Variants in CNTN5 observed in about 807,000 individuals in gnomAD.
CNTN5 encodes the protein contactin 5, also known as contactin-5.
A neutral mutation model predicts 129.1 loss-of-function variants in CNTN5; 77 were observed. That is an observed-to-expected ratio of 0.60 (90% CI 0.50 to 0.72). The LOEUF is 0.72. Ranked by LOEUF, CNTN5 falls within the 30% of genes least tolerant of loss-of-function variation. The probability of loss-of-function intolerance (pLI) is 0.00; values close to 1 mark genes in which losing one functional copy is unlikely to be tolerated. For missense variants in CNTN5, 1,478 were observed against 1,328.8 expected, an observed-to-expected ratio of 1.11 and a Z score of -1.75; for synonymous variants, 509 against 465.6, an observed-to-expected ratio of 1.09 and a Z score of -1.20.
At chr11:100,338,427 A>G (rs1952081323) in intron 21 of CNTN5, among the ~76,000 whole-genome samples, 1 of 152,190 alleles carries the variant, frequency 6.6e-6, no homozygotes, top group Admixed American at 6.5e-5. Flanking sequence ...AATCTGGAAA[A>G]TATGTTTTTG....
chr11:99,881,303 T>G (rs1948765429), intron 6 of CNTN5, among the ~76,000 whole-genome samples: 1 of 152,186 alleles, frequency 6.6e-6, no homozygotes, highest in Non-Finnish European at 1.5e-5. Context: ...TTTTGACAGT[T>G]GAATTATAAT....
At chr11:99,506,829 A>T (rs1256828252) in intron 2 of CNTN5, among the ~76,000 whole-genome samples, 1 of 152,230 alleles carries the variant, frequency 6.6e-6, no homozygotes, top group Non-Finnish European at 1.5e-5. Flanking sequence ...TATAGTAAAA[A>T]ATATCAATAA....
intron 9 of CNTN5, among the ~76,000 whole-genome samples, chr11:100,003,449 A>G (rs1364802403): frequency 6.6e-6 from 1 of 152,220 alleles, no homozygotes; most frequent in Non-Finnish European, 1.5e-5. Flanking sequence ...AAATGCAAAA[A>G]TAATATATTC....
At chr11:99,106,399 T>C in intron 1 of CNTN5, among the ~76,000 whole-genome samples, 1 of 152,046 alleles carries the variant, frequency 6.6e-6, no homozygotes. Flanking sequence ...TGTGCAGTAT[T>C]ATAAAAATTA....
At chr11:99,131,233 G>A (rs1165307866) in intron 1 of CNTN5, among the ~76,000 whole-genome samples, 1 of 86,014 alleles carries the variant, frequency 1.2e-5, no homozygotes, top group Non-Finnish European at 2.1e-5. Flanking sequence ...GGGTGACAGA[G>A]TGAGACTCCA....
chr11:99,032,212 T>G (rs929804694), intron 1 of CNTN5, among the ~76,000 whole-genome samples: 18 of 152,126 alleles, frequency 1.2e-4, no homozygotes, highest in Admixed American at 6.5e-4. Flanking sequence ...TTGTGAATAA[T>G]GCCGCAATAA....
At chr11:100,018,550 A>G (rs1591063402) in intron 9 of CNTN5, among the ~76,000 whole-genome samples, 1 of 151,940 alleles carries the variant, frequency 6.6e-6, no homozygotes, top group East Asian at 1.9e-4. Flanking sequence ...TGGCTCTACC[A>G]CCATGCGTGC....
At chr11:100,232,966 C>T (rs992529628) in intron 16 of CNTN5, among the ~76,000 whole-genome samples, 6 of 152,010 alleles carry the variant, frequency 3.9e-5, no homozygotes, top group Admixed American at 6.6e-5. Context: ...ATATGAAAAA[C>T]GTACTATTTT....
chr11:99,835,628 G>T (rs759052714), intron 4 of CNTN5, among the ~76,000 whole-genome samples: 21 of 152,118 alleles, frequency 1.4e-4, no homozygotes, highest in Non-Finnish European at 2.9e-4. Flanking sequence ...CCTTCTAGAA[G>T]GGTTAACATA....
chr11:99,168,797 A>G (rs1318856799), intron 1 of CNTN5, among the ~76,000 whole-genome samples: 2 of 152,236 alleles, frequency 1.3e-5, no homozygotes, highest in Non-Finnish European at 2.9e-5. Context: ...GCTTACAGAA[A>G]AGCAAGCACA....
intron 3 of CNTN5, among the ~76,000 whole-genome samples, chr11:99,613,659 TAAA>T (rs1009241199): frequency 6.7e-6 from 1 of 149,122 alleles, no homozygotes; most frequent in Non-Finnish European, 1.5e-5. Flanking sequence ...GCATTAAATA[TAAA>T]AAACTAAAAT....
intron 1 of CNTN5, among the ~76,000 whole-genome samples, chr11:99,216,174 G>A (rs1353136078): frequency 6.6e-6 from 1 of 151,982 alleles, no homozygotes; most frequent in Non-Finnish European, 1.5e-5. Context: ...CCAGCCCTTA[G>A]TAACCATCAT....
At chr11:100,330,119 C>G (rs1259916456) in intron 21 of CNTN5, among the ~76,000 whole-genome samples, 3 of 152,078 alleles carry the variant, frequency 2.0e-5, no homozygotes, top group Admixed American at 2.0e-4. Flanking sequence ...GTGAAATACA[C>G]AGCACAAATT....
intron 2 of CNTN5, among the ~76,000 whole-genome samples, chr11:99,487,075 G>A (rs1378900646): frequency 1.3e-5 from 2 of 152,190 alleles, no homozygotes; most frequent in Admixed American, 1.3e-4. Flanking sequence ...GTAAATAGAT[G>A]TTGGCAGAGA....
chr11:100,204,972 G>A (rs1427505931), intron 15 of CNTN5, among the ~76,000 whole-genome samples: 1 of 151,982 alleles, frequency 6.6e-6, no homozygotes, highest in East Asian at 1.9e-4. Context: ...AATAATATAT[G>A]AAAAAGATTT....
At chr11:99,508,472 A>G (rs56012203) in intron 2 of CNTN5, among the ~76,000 whole-genome samples, 40,229 of 152,050 alleles carry the variant, frequency 0.26, 5,612 homozygotes, top group Non-Finnish European at 0.3. Context: ...AGAGCCACAC[A>G]TACTGAGTGC....
At chr11:99,094,925 A>G (rs566971292) in intron 1 of CNTN5, among the ~76,000 whole-genome samples, 1 of 151,980 alleles carries the variant, frequency 6.6e-6, no homozygotes, top group South Asian at 2.1e-4. Context: ...TACCTTTTCC[A>G]CCTTTCATTC....
chr11:99,403,934 C>G (rs1041058418), intron 2 of CNTN5, among the ~76,000 whole-genome samples: 8 of 152,042 alleles, frequency 5.3e-5, no homozygotes, highest in African/African-American at 1.9e-4. Flanking sequence ...GAAGATTTGT[C>G]CAATGCTAAA....
chr11:99,552,180 TAC>T (rs1292635031), intron 2 of CNTN5, among the ~76,000 whole-genome samples: 6 of 151,506 alleles, frequency 4.0e-5, no homozygotes, highest in Non-Finnish European at 7.4e-5. Flanking sequence ...GTGCTGGGAT[TAC>T]AGACATGAGC....
Sources: gnomAD v4.1 joint callset for allele counts (sites outside exome capture counted in the v4.1 genomes callset) on GRCh38, gnomAD v4.1.1 for gene constraint, MANE v1.5 for transcripts, NCBI Gene and HGNC (gene_info 2026-07-23, HGNC 2026-07-21) for gene names.